KLF17: variants seen among roughly 807,000 people sequenced by gnomAD.
KLF17 encodes Krueppel-like factor 17.
In KLF17, 31 loss-of-function variants were observed where a neutral mutation model predicts 34.2. The observed-to-expected ratio is 0.91, with a 90% confidence interval of 0.68 to 1.22. The LOEUF is 1.22. Among genes scored for constraint, KLF17 ranks in the 50% most tolerant of loss-of-function variants. The probability of loss-of-function intolerance (pLI) is 0.00; values close to 1 mark genes in which losing one functional copy is unlikely to be tolerated. For missense variants in KLF17, 478 were observed against 505.2 expected, an observed-to-expected ratio of 0.95 and a Z score of 0.52; for synonymous variants, 179 against 186.7, an observed-to-expected ratio of 0.96 and a Z score of 0.34.
At chr1:44,045,631 G>A in the KLF17 span, among the ~76,000 whole-genome samples, 1 of 152,066 alleles carries the variant, frequency 6.6e-6, no homozygotes, top group East Asian at 1.9e-4. Flanking sequence ...TGTTTTTCTT[G>A]AAGAGGCAAT....
the KLF17 span, among the ~76,000 whole-genome samples, chr1:44,080,713 ATTTTTTTTTTT>A: frequency 9.7e-5 from 9 of 92,674 alleles, 1 homozygote. Flanking sequence ...ATTATATTGA[ATTTTTTTTTTT>A]TTTTTTTTTT....
chr1:44,082,458 G>A, the KLF17 span, among the ~76,000 whole-genome samples: 1 of 152,100 alleles, frequency 6.6e-6, no homozygotes, highest in East Asian at 1.9e-4. Flanking sequence ...GCATTCGGAG[G>A]GTTTTATTGG....
chr1:44,058,384 A>C, the KLF17 span, among the ~76,000 whole-genome samples: 1 of 151,940 alleles, frequency 6.6e-6, no homozygotes, highest in African/African-American at 2.4e-5. Flanking sequence ...TCCACCTCCC[A>C]GGTTCAAGCG....
chr1:44,080,236 CTTTT>C, the KLF17 span, among the ~76,000 whole-genome samples: 1 of 94,128 alleles, frequency 1.1e-5, no homozygotes, highest in Non-Finnish European at 2.0e-5. Flanking sequence ...CCCTCTGTGT[CTTTT>C]TTTTTTTTTT....
the KLF17 span, among the ~76,000 whole-genome samples, chr1:44,094,907 C>CTTTTT: frequency 2.1e-5 from 3 of 140,980 alleles, no homozygotes; most frequent in Non-Finnish European, 4.6e-5. Context: ...TTATTTATAT[C>CTTTTT]TTTTTTTTTT....
chr1:44,065,407 T>G, the KLF17 span, among the ~76,000 whole-genome samples: 32 of 103,372 alleles, frequency 3.1e-4, no homozygotes, highest in Admixed American at 1.7e-4. Context: ...AATCCTTGGT[T>G]TTTTTTTTTT....
At chr1:44,103,787 G>A in the KLF17 span, 14 of 953,644 alleles carry the variant, frequency 1.5e-5, no homozygotes, top group Non-Finnish European at 2.2e-5. Context: ...CGGCCTCCAG[G>A]GAAGCCCTCT....
upstream of KLF17, chr1:44,117,006 C>A (rs1176449530): frequency 1.3e-5 from 2 of 152,160 alleles, no homozygotes; most frequent in Non-Finnish European, 2.9e-5. Context: ...GTTGCTCAAG[C>A]CAATAATCTA....
At chr1:44,049,673 G>A in the KLF17 span, among the ~76,000 whole-genome samples, 1 of 152,134 alleles carries the variant, frequency 6.6e-6, no homozygotes, top group East Asian at 1.9e-4. Context: ...TGTAGGGATG[G>A]GGTTTCACCA....
chr1:44,120,337 A>C (rs138792990), intron 1 of KLF17, among the ~76,000 whole-genome samples: 2,527 of 152,344 alleles, frequency 0.017, 37 homozygotes, highest in Non-Finnish European at 0.024. Flanking sequence ...AAACAAAACC[A>C]CTGGCATGGG....
chr1:44,102,732 A>G, the KLF17 span, among the ~76,000 whole-genome samples: 1 of 152,094 alleles, frequency 6.6e-6, no homozygotes. Context: ...ATCGATTGTA[A>G]CAAATGCACC....
At chr1:44,076,112 C>G in the KLF17 span, 1 of 152,214 alleles carries the variant, frequency 6.6e-6, no homozygotes, top group Non-Finnish European at 1.5e-5. Context: ...CACCTGGTCA[C>G]CTGTCTACAT....
the KLF17 span, among the ~76,000 whole-genome samples, chr1:44,050,698 C>G: frequency 6.6e-6 from 1 of 152,148 alleles, no homozygotes; most frequent in Non-Finnish European, 1.5e-5. Flanking sequence ...GGGCAGATCA[C>G]TTGAGGTCAG....
chr1:44,046,396 T>G, the KLF17 span, among the ~76,000 whole-genome samples: 12 of 151,994 alleles, frequency 7.9e-5, no homozygotes, highest in South Asian at 2.1e-3. Flanking sequence ...TTTTTAAAAT[T>G]TTATTTGTAG....
the KLF17 span, among the ~76,000 whole-genome samples, chr1:44,065,077 A>G: frequency 6.6e-6 from 1 of 152,096 alleles, no homozygotes; most frequent in African/African-American, 2.4e-5. Flanking sequence ...TCACGAGGTC[A>G]GGAGTTCGAG....
At chr1:44,077,574 A>T in the KLF17 span, among the ~76,000 whole-genome samples, 3 of 152,180 alleles carry the variant, frequency 2.0e-5, no homozygotes, top group Non-Finnish European at 4.4e-5. Flanking sequence ...GAAGTGACTC[A>T]GTGGCTGAGG....
At chr1:44,099,496 T>G in the KLF17 span, among the ~76,000 whole-genome samples, 48,717 of 151,684 alleles carry the variant, frequency 0.32, 7,991 homozygotes, top group South Asian at 0.38. Context: ...AAATGAGACC[T>G]GGGCCAGGTG....
intron 1 of KLF17, among the ~76,000 whole-genome samples, chr1:44,127,630 T>TTTTCTTTTC (rs1553171622): frequency 8.3e-4 from 38 of 45,920 alleles, no homozygotes; most frequent in Non-Finnish European, 1.1e-3. Flanking sequence ...TTTTCTTTTC[T>TTTTCTTTTC]TTTCTTTCCT....
At chr1:44,104,130 T>A in the KLF17 span, 1 of 1,039,878 alleles carries the variant, frequency 9.6e-7, no homozygotes, top group Non-Finnish European at 1.5e-6. Flanking sequence ...AGTCAGCCCT[T>A]CCAGGCCAGA....
Sources: allele counts gnomAD v4.1 joint callset (sites outside exome capture counted in the v4.1 genomes callset), GRCh38; gene constraint gnomAD v4.1.1; transcripts MANE v1.5; gene names NCBI Gene and HGNC (gene_info 2026-07-23, HGNC 2026-07-21).